Variants in CNTNAP3B observed in about 807,000 individuals in gnomAD.
CNTNAP3B encodes contactin associated protein family member 3B, also known as contactin-associated protein-like 3B.
CNTNAP3B carries 25 observed loss-of-function variants against 108.9 expected under a neutral mutation model. That is an observed-to-expected ratio of 0.23 (90% CI 0.17 to 0.32). The LOEUF (loss-of-function observed/expected upper bound fraction) is 0.32. CNTNAP3B is among the 10% of genes least tolerant of loss of function. CNTNAP3B has a pLI of 1.00. For synonymous variants in CNTNAP3B, 103 were observed against 473.4 expected (o/e 0.22, Z 10.16); for missense variants, 252 against 1,210.4 (o/e 0.21, Z 11.75).
intron 1 of CNTNAP3B, among the ~76,000 whole-genome samples, chr9:42,124,216 C>G (rs1204369623): frequency 7.5e-6 from 1 of 133,728 alleles, no homozygotes; most frequent in African/African-American, 3.0e-5. Flanking sequence ...CAAAAATGTT[C>G]ATTAACTGGA....
At chr9:41,966,125 G>T (rs1364743026) in intron 10 of CNTNAP3B, among the ~76,000 whole-genome samples, 2 of 152,292 alleles carry the variant, frequency 1.3e-5, no homozygotes, top group African/African-American at 4.8e-5. Flanking sequence ...GTTGGCTGGG[G>T]TGGGGGCCCA....
At chr9:42,109,372 T>G (rs1828143663) in intron 1 of CNTNAP3B, among the ~76,000 whole-genome samples, 1 of 148,150 alleles carries the variant, frequency 6.7e-6, no homozygotes, top group African/African-American at 2.6e-5. Flanking sequence ...AAAGTGCTTC[T>G]GGAAAAGATA....
At chr9:41,961,435 T>C (rs1260388914) in intron 11 of CNTNAP3B, among the ~76,000 whole-genome samples, 1 of 152,306 alleles carries the variant, frequency 6.6e-6, no homozygotes, top group Non-Finnish European at 1.5e-5. Context: ...TTCAAACTCA[T>C]GGCAAATATA....
At position 42,113,975 on chromosome 9, in the gene CNTNAP3B, C is replaced by A. The variant is rs1392318690; in HGVS notation, c.86-9236G>T. On this transcript the variant is annotated intron_variant, in intron 1 of 23. Coordinates refer to ENST00000377561, the MANE Select transcript of CNTNAP3B (RefSeq NM_001201380.3). ...AAAAAAATTAAAAATAATAATAATT[C>A]TTTCTATGCACCTCTGAGAGTTGAC... Among the ~76,000 whole-genome samples the A allele has an allele frequency of 2.3e-5, 3 of 131,132 alleles. 1 individual carries two copies. The highest frequency in any genetic ancestry group is 9.3e-5 in the African/African-American group (3 of 32,134). The allele number at this position is 131,132 out of a possible 152,430, so 86.0% of individuals were successfully genotyped here. A position where few individuals can be genotyped will look rare whatever the true frequency, so the allele number is the denominator to read the frequency against.
intron 3 of CNTNAP3B, among the ~76,000 whole-genome samples, chr9:42,053,929 T>C (rs1002221846): frequency 2.0e-5 from 3 of 151,064 alleles, no homozygotes; most frequent in Admixed American, 6.6e-5. Context: ...CAGACTTGTA[T>C]TGATGCATTT....
intron 1 of CNTNAP3B, among the ~76,000 whole-genome samples, chr9:42,108,870 G>T (rs1341843021): frequency 1.4e-5 from 2 of 139,888 alleles, no homozygotes; most frequent in Admixed American, 1.4e-4. Context: ...GAACGGTTTG[G>T]GACAGAAACC....
intron 9 of CNTNAP3B, among the ~76,000 whole-genome samples, chr9:41,973,864 T>G (rs1184740883): frequency 1.5e-5 from 2 of 132,882 alleles, no homozygotes; most frequent in Non-Finnish European, 3.2e-5. Flanking sequence ...TCTCTCTTTC[T>G]TGACAGAGTC....
intron 3 of CNTNAP3B, among the ~76,000 whole-genome samples, chr9:42,044,771 G>A (rs1290105927): frequency 1.4e-5 from 2 of 139,650 alleles, no homozygotes; most frequent in African/African-American, 2.8e-5. Flanking sequence ...GCCTGTGCCA[G>A]AAGAAGTGGT....
At chr9:41,927,673 G>C (rs995579291) in intron 15 of CNTNAP3B, among the ~76,000 whole-genome samples, 1 of 151,774 alleles carries the variant, frequency 6.6e-6, no homozygotes, top group Non-Finnish European at 1.5e-5. Context: ...AACCAATTCA[G>C]TAAAATAAGA....
rs1241292985 is a variant in CNTNAP3B at position 42,064,577 on chromosome 9, GTTAC to G, written c.390+12288_390+12291del. ...CCTTCACCCAGATACTAACTAAACAGTTACTTTTTCAACCACTGTCCCACTCCCT... is the reference window on the plus strand; with the variant it reads ...CCTTCACCCAGATACTAACTAAACAGTTTTTCAACCACTGTCCCACTCCCT... On this transcript the variant is annotated intron_variant, in intron 3 of 23. Transcript: ENST00000377561. Among the ~76,000 whole-genome samples, 3 of 103,806 alleles carry G rather than the reference GTTAC, an allele frequency of 2.9e-5. 1 individual carries two copies. The highest frequency in any genetic ancestry group is 8.4e-5 in the African/African-American group (2 of 23,774). 68.1% of individuals were successfully genotyped at this position (103,806 alleles called of 152,430 possible). A position where few individuals can be genotyped will look rare whatever the true frequency, so the allele number is the denominator to read the frequency against.
intron 15 of CNTNAP3B, among the ~76,000 whole-genome samples, chr9:41,924,482 T>C (rs1309960003): frequency 6.6e-6 from 1 of 152,298 alleles, no homozygotes; most frequent in Non-Finnish European, 1.5e-5. Context: ...GTTTTTGGTC[T>C]AACTGGGAAG....
chr9:42,114,923 G>T (rs1399619684), intron 1 of CNTNAP3B, among the ~76,000 whole-genome samples: 1 of 135,028 alleles, frequency 7.4e-6, no homozygotes, highest in African/African-American at 3.0e-5. Flanking sequence ...GCATGGTAGC[G>T]GGAACTTGCA....
At chr9:42,112,495 T>G (rs1470963885) in intron 1 of CNTNAP3B, among the ~76,000 whole-genome samples, 1 of 138,764 alleles carries the variant, frequency 7.2e-6, no homozygotes, top group Non-Finnish European at 1.5e-5. Flanking sequence ...GAGACTGGCA[T>G]GACCAGCTGA....
Position 42,129,150 on chromosome 9 carries a change from G to T in CNTNAP3B, c.-56C>A, listed in dbSNP as rs771949188. 17 of 1,517,558 alleles carry T rather than the reference G, an allele frequency of 1.1e-5. No homozygotes were observed. The highest frequency in any genetic ancestry group is 1.4e-5 in the Non-Finnish European group (16 of 1,127,016). The allele number at this position is 1,517,558 out of a possible 1,614,324, so 94.0% of individuals were successfully genotyped here. On this transcript the variant is annotated 5_prime_UTR_variant, in exon 1 of 24. Coordinates refer to ENST00000377561, the MANE Select transcript of CNTNAP3B (RefSeq NM_001201380.3). ...GGCACGGCGACGGCCGCTCTGCGTC[G>T]TTCCTGCTCTCACTCCCGCTCTCAC... is the stretch of plus-strand genomic sequence containing the variant.
chr9:41,945,905 T>C (rs1347157774), intron 13 of CNTNAP3B, among the ~76,000 whole-genome samples: 2 of 152,282 alleles, frequency 1.3e-5, no homozygotes, highest in African/African-American at 4.8e-5. Flanking sequence ...TATACCATGG[T>C]AACACTAACC....
intron 2 of CNTNAP3B, among the ~76,000 whole-genome samples, chr9:42,086,118 G>C (rs1033461112): frequency 2.1e-5 from 3 of 140,638 alleles, no homozygotes; most frequent in African/African-American, 5.6e-5. Flanking sequence ...ATGGCAGAAG[G>C]CGAAAAGCAT....
Position 42,034,317 on chromosome 9 carries a change from A to G in CNTNAP3B, c.391-20792T>C, listed in dbSNP as rs971050429. Among the ~76,000 whole-genome samples, 17 of 103,706 alleles carry G rather than the reference A, an allele frequency of 1.6e-4. 1 individual carries two copies. Among genetic ancestry groups the G allele is most frequent in the Non-Finnish European group, 3.1e-4 (16 of 51,938 alleles). The allele number at this position is 103,706 out of a possible 152,430, so 68.0% of individuals were successfully genotyped here. ...ATGCCTTCGGCACCTCTCTCCAGGA[A>G]AGAGAAATATAAAGCCACTGCTTCT... On this transcript the variant is annotated intron_variant, in intron 3 of 23. Coordinates refer to ENST00000377561, the MANE Select transcript of CNTNAP3B (RefSeq NM_001201380.3).
chr9:42,035,976 C>T (rs1160382251), intron 3 of CNTNAP3B, among the ~76,000 whole-genome samples: 39 of 143,106 alleles, frequency 2.7e-4, no homozygotes, highest in South Asian at 1.6e-3. Flanking sequence ...GGCATGGTGG[C>T]GCATGCCTGT....
At chr9:42,111,563 G>A (rs1216936397) in intron 1 of CNTNAP3B, among the ~76,000 whole-genome samples, 2 of 138,282 alleles carry the variant, frequency 1.4e-5, no homozygotes, top group Non-Finnish European at 3.1e-5. Flanking sequence ...GAAGGAAAGA[G>A]GCAGACTGCT....
Sources: allele counts gnomAD v4.1 joint callset (sites outside exome capture counted in the v4.1 genomes callset), GRCh38; gene constraint gnomAD v4.1.1; transcripts MANE v1.5; gene names NCBI Gene and HGNC (gene_info 2026-07-23, HGNC 2026-07-21).